Variants in UNC5A observed in about 807,000 individuals in gnomAD.
UNC5A encodes the protein netrin receptor UNC5A.
UNC5A carries 20 observed loss-of-function variants against 87.4 expected under a neutral mutation model. That is an observed-to-expected ratio of 0.23 (90% CI 0.16 to 0.33). The LOEUF (loss-of-function observed/expected upper bound fraction) is 0.33. Ranked by LOEUF, UNC5A falls within the 10% of genes least tolerant of loss-of-function variation. UNC5A has a pLI of 1.00. For synonymous variants in UNC5A, 438 were observed against 482.3 expected (o/e 0.91, Z 1.20); for missense variants, 844 against 1,133.4 (o/e 0.74, Z 3.67).
chr5:176,864,532 T>C (rs1194169917), intron 2 of UNC5A, among the ~76,000 whole-genome samples: 1 of 152,194 alleles, frequency 6.6e-6, no homozygotes, highest in Non-Finnish European at 1.5e-5. Flanking sequence ...AACCAGCTTG[T>C]CATTTTACGG....
intron 6 of UNC5A, among the ~76,000 whole-genome samples, chr5:176,872,207 A>G (rs1156247193): frequency 4.5e-5 from 2 of 44,412 alleles, no homozygotes; most frequent in Non-Finnish European, 4.3e-5. Flanking sequence ...ATCTGCCCAC[A>G]CTCACCAACA....
intron 1 of UNC5A, among the ~76,000 whole-genome samples, chr5:176,861,836 C>T (rs1186311894): frequency 1.6e-5 from 1 of 63,758 alleles, no homozygotes; most frequent in Non-Finnish European, 3.5e-5. Context: ...GGCTGAGGAC[C>T]TGTTCAAAGG....
chr5:176,832,757 C>A (rs1470500885), intron 1 of UNC5A, among the ~76,000 whole-genome samples: 1 of 152,170 alleles, frequency 6.6e-6, no homozygotes, highest in Non-Finnish European at 1.5e-5. Context: ...GGACTCAGAT[C>A]TGAGTTTTAG....
Position 176,824,184 on chromosome 5 carries a change from C to T in UNC5A, c.70+13364C>T, listed in dbSNP as rs184210575. Among the ~76,000 whole-genome samples, 7 of 152,336 alleles carry T rather than the reference C, an allele frequency of 4.6e-5. No homozygotes were observed. In the East Asian group the frequency reaches 1.2e-3, roughly 25 times the overall value. On this transcript the variant is annotated intron_variant, in intron 1 of 14. Transcript: ENST00000329542. This position sits in a 1 kb window ranked among gnomAD's most constrained non-coding sequence, Gnocchi z 4.2. ...TTGGAGGCAGCAATGATGCAGGTTCCGACACTGGCCCAGGACTATTTCCCC... is the reference window on the plus strand; with the variant it reads ...TTGGAGGCAGCAATGATGCAGGTTCTGACACTGGCCCAGGACTATTTCCCC...
intron 1 of UNC5A, among the ~76,000 whole-genome samples, chr5:176,816,605 C>T (rs975969656): frequency 6.6e-6 from 1 of 152,260 alleles, no homozygotes; most frequent in Non-Finnish European, 1.5e-5. Flanking sequence ...AGGGCCAGCC[C>T]CCAAGAGTGC....
chr5:176,874,097 C>G lies in UNC5A; in HGVS notation c.1016C>G (p.Ala339Gly). 6.2e-7 allele frequency: 1 copy of G among 1,614,052 alleles called. No individual in the cohort carries two copies. The highest frequency in any genetic ancestry group is 8.5e-7 in the Non-Finnish European group (1 of 1,179,982). The change falls in exon 7 of 15, where the codon GCT becomes GGT. Residue 339 changes from alanine to glycine, a missense_variant. Coordinates refer to ENST00000329542, the MANE Select transcript of UNC5A (RefSeq NM_133369.3). The surrounding 1 kb of genome is among the most constrained non-coding windows in gnomAD (Gnocchi z 7.6). ...RKKEGLDSDV[A>G]DSSILTSGFQ... ...AAGGAGGGGCTGGACTCAGATGTGG[C>G]TGACTCGTCCATTCTCACCTCAGGC... is the stretch of plus-strand genomic sequence containing the variant.
At chr5:176,855,975 G>T (rs1485590003) in intron 1 of UNC5A, among the ~76,000 whole-genome samples, 1 of 152,166 alleles carries the variant, frequency 6.6e-6, no homozygotes, top group Non-Finnish European at 1.5e-5. Flanking sequence ...CTGCAGGGCG[G>T]ACGGCGCCCG....
intron 1 of UNC5A, among the ~76,000 whole-genome samples, chr5:176,817,425 G>A (rs908355343): frequency 1.3e-5 from 2 of 152,172 alleles, no homozygotes; most frequent in Non-Finnish European, 2.9e-5. Flanking sequence ...CCCCAGGCCA[G>A]CAGGTCCACT....
At chr5:176,833,441 C>T (rs1034344715) in intron 1 of UNC5A, among the ~76,000 whole-genome samples, 1 of 152,256 alleles carries the variant, frequency 6.6e-6, no homozygotes, top group Non-Finnish European at 1.5e-5. Context: ...TGGCCTCCGG[C>T]TGCATCCATG....
intron 1 of UNC5A, among the ~76,000 whole-genome samples, chr5:176,819,159 C>T (rs986359909): frequency 1.2e-4 from 18 of 152,200 alleles, no homozygotes; most frequent in African/African-American, 4.3e-4. Context: ...CTCCCCAGCC[C>T]TCTCAGCTGC....
At chr5:176,860,346 G>C (rs114776540) in intron 1 of UNC5A, among the ~76,000 whole-genome samples, 1 of 152,188 alleles carries the variant, frequency 6.6e-6, no homozygotes, top group Non-Finnish European at 1.5e-5. Context: ...AGCGGCCCTC[G>C]GGCCAGCAGC....
At position 176,868,363 on chromosome 5, in the gene UNC5A, C is replaced by A. The variant is rs183051657; in HGVS notation, c.436+90C>A. 6,743 of 1,577,062 alleles carry A rather than the reference C, an allele frequency of 4.3e-3. 28 individuals carry two copies. The highest frequency in any genetic ancestry group is 5.7e-3 in the Middle Eastern group (29 of 5,116). On this transcript the variant is annotated intron_variant, in intron 3 of 14. Transcript: ENST00000329542. ...AGTAGGCTTCCTGGAAGAGGCGGTC[C>A]GGTCAGAAAACCTCACAGCCCTGCC...
intron 1 of UNC5A, among the ~76,000 whole-genome samples, chr5:176,817,868 C>T (rs1022026998): frequency 6.6e-6 from 1 of 151,814 alleles, no homozygotes; most frequent in South Asian, 2.1e-4. Flanking sequence ...GCGGGGCAGC[C>T]GGGCGCGGGG....
In UNC5A at chr5:176,828,111, C is replaced by A. The variant is rs559052014; in HGVS notation, c.70+17291C>A. Among the ~76,000 whole-genome samples, 18 of 152,270 alleles carry A rather than the reference C, an allele frequency of 1.2e-4. No individual in the cohort carries two copies. The South Asian group carries it at 3.7e-3, about 32-fold the overall frequency. On this transcript the variant is annotated intron_variant, in intron 1 of 14. Coordinates refer to ENST00000329542, the MANE Select transcript of UNC5A (RefSeq NM_133369.3). ...CACACCCACCCCCAGCCAGGAGCTGCCCTCTCTGCCCCTCTGTGCTGCCGT... is the reference window on the plus strand; with the variant it reads ...CACACCCACCCCCAGCCAGGAGCTGACCTCTCTGCCCCTCTGTGCTGCCGT...
chr5:176,842,571 G>T (rs570962015), intron 1 of UNC5A, among the ~76,000 whole-genome samples: 1 of 152,022 alleles, frequency 6.6e-6, no homozygotes, highest in Non-Finnish European at 1.5e-5. Flanking sequence ...TGACCTGGAT[G>T]AGACTGGAGA....
In UNC5A at chr5:176,819,751, C is replaced by G. The variant is rs1442255686; in HGVS notation, c.70+8931C>G. ...TAGGATTATGCAGATTAGGTTGGGC[C>G]GGAGCCACCAAGGCCATTGTCCTGT... On this transcript the variant is annotated intron_variant, in intron 1 of 14. Coordinates refer to ENST00000329542, the MANE Select transcript of UNC5A (RefSeq NM_133369.3). 2.0e-5 allele frequency among the ~76,000 whole-genome samples: 3 copies of G among 152,214 alleles called. No individual in the cohort carries two copies. In the East Asian group the frequency reaches 5.8e-4, roughly 29 times the overall value.
chr5:176,830,415 G>A (rs893946649), intron 1 of UNC5A, among the ~76,000 whole-genome samples: 17 of 148,370 alleles, frequency 1.1e-4, no homozygotes, highest in Middle Eastern at 6.9e-3. Context: ...GTGCCAGTGC[G>A]TGTGTGTGCT....
intron 1 of UNC5A, among the ~76,000 whole-genome samples, chr5:176,843,172 AAAAGAAAGAAAG>A (rs201596079): frequency 1.3e-5 from 2 of 148,184 alleles, no homozygotes; most frequent in East Asian, 3.8e-4. Flanking sequence ...AAAAAAAAAA[AAAAGAAAGAAAG>A]AAAGAAAGAA....
At chr5:176,867,174 T>C (rs952086889) in intron 2 of UNC5A, among the ~76,000 whole-genome samples, 4 of 152,038 alleles carry the variant, frequency 2.6e-5, no homozygotes, top group South Asian at 2.1e-4. Flanking sequence ...CCGAGGGAAA[T>C]TGGGGTCAGG....
Sources: gnomAD v4.1 joint callset for allele counts (sites outside exome capture counted in the v4.1 genomes callset) on GRCh38, gnomAD v4.1.1 for gene constraint, Gnocchi (gnomAD v3.1) non-coding constraint, MANE v1.5 for transcripts, NCBI Gene and HGNC (gene_info 2026-07-23, HGNC 2026-07-21) for gene names.